Variants in GALNTL6 observed in about 807,000 individuals in gnomAD.
GALNTL6 encodes polypeptide N-acetylgalactosaminyltransferase like 6, also known as polypeptide N-acetylgalactosaminyltransferase-like 6.
GALNTL6 carries 46 observed loss-of-function variants against 73.7 expected under a neutral mutation model. That is an observed-to-expected ratio of 0.62 (90% CI 0.49 to 0.80). The LOEUF (loss-of-function observed/expected upper bound fraction) is 0.80. Ranked by LOEUF, GALNTL6 falls within the 30% of genes least tolerant of loss-of-function variation. GALNTL6 has a pLI of 0.00. For missense variants in GALNTL6, 604 were observed against 755.0 expected, an observed-to-expected ratio of 0.80 and a Z score of 2.34; for synonymous variants, 259 against 263.7, an observed-to-expected ratio of 0.98 and a Z score of 0.17.
Position 172,229,732 on chromosome 4 carries a change from A to G in GALNTL6, c.215A>G (p.Tyr72Cys). The G allele has an allele frequency of 6.2e-7, 1 of 1,613,654 alleles. No homozygotes were observed. Among genetic ancestry groups the G allele is most frequent in the Non-Finnish European group, 8.5e-7 (1 of 1,179,586 alleles). ...DGLRRKDWHD[Y>C]ESIQKEAMRS... is the part of the protein sequence containing the mutation. ...TTGAGAAGAAAGGACTGGCATGACT[A>G]TGAAAGCATTCAGAAAGAGGCTATG... Residue 72 changes from tyrosine (Y) to cysteine (C), a missense_variant, in exon 3 of 13, where the codon TAT becomes TGT. Transcript: ENST00000506823.
At chr4:172,164,740 G>A (rs534653895) in intron 2 of GALNTL6, among the ~76,000 whole-genome samples, 2 of 152,132 alleles carry the variant, frequency 1.3e-5, no homozygotes, top group Non-Finnish European at 2.9e-5. Context: ...AATATTTATA[G>A]GTTTCCAAAT....
At chr4:172,855,486 C>G (rs1744077940) in intron 7 of GALNTL6, among the ~76,000 whole-genome samples, 1 of 152,102 alleles carries the variant, frequency 6.6e-6, no homozygotes, top group Non-Finnish European at 1.5e-5. Context: ...GAGAAGACTA[C>G]AGAAATGACT....
chr4:172,401,079 C>T (rs568907966), intron 5 of GALNTL6, among the ~76,000 whole-genome samples: 13 of 152,168 alleles, frequency 8.5e-5, no homozygotes, highest in Admixed American at 1.3e-4. Flanking sequence ...TGACTGTGCT[C>T]GGGTAATTCT....
chr4:172,057,727 A>ATTTT lies in GALNTL6; in HGVS notation c.139-171929_139-171928insTTTT, dbSNP rs1309303202. ...AAAAAAAAAAAAAAAAAAAAAAAAA[A>ATTTT]ATATATATATATATATATATATATA... On this transcript the variant is annotated intron_variant, in intron 2 of 12. Transcript: ENST00000506823. Among the ~76,000 whole-genome samples the ATTTT allele has an allele frequency of 1.9e-4, 9 of 46,158 alleles. No individual in the cohort carries two copies. The South Asian group carries it at 4.6e-3, about 24-fold the overall frequency. The allele number at this position is 46,158 out of a possible 152,430, so 30.3% of individuals were successfully genotyped here. A position where few individuals can be genotyped will look rare whatever the true frequency, so the allele number is the denominator to read the frequency against.
At chr4:172,095,973 TTCTC>T (rs891514725) in intron 2 of GALNTL6, among the ~76,000 whole-genome samples, 2 of 152,138 alleles carry the variant, frequency 1.3e-5, no homozygotes, top group South Asian at 2.1e-4. Context: ...CATTTTTCTT[TTCTC>T]TCTCTTTTCT....
chr4:172,199,744 T>TG (rs1441657146), intron 2 of GALNTL6, among the ~76,000 whole-genome samples: 1 of 152,134 alleles, frequency 6.6e-6, no homozygotes, highest in African/African-American at 2.4e-5. Context: ...TGAAAGATTT[T>TG]TTGTTGTTGT....
At chr4:172,320,920 G>A (rs1420805998) in intron 4 of GALNTL6, among the ~76,000 whole-genome samples, 2 of 152,062 alleles carry the variant, frequency 1.3e-5, no homozygotes, top group Non-Finnish European at 2.9e-5. Flanking sequence ...AACAAAATAC[G>A]GTGGTTTTCT....
intron 7 of GALNTL6, among the ~76,000 whole-genome samples, chr4:172,840,068 C>A (rs1352912836): frequency 6.6e-6 from 1 of 152,158 alleles, no homozygotes. Flanking sequence ...AAAATAAACA[C>A]ATCCACAGTA....
At chr4:172,219,222 T>A (rs866598879) in intron 2 of GALNTL6, among the ~76,000 whole-genome samples, 3 of 141,930 alleles carry the variant, frequency 2.1e-5, no homozygotes, top group South Asian at 4.5e-4. Flanking sequence ...TATATATATA[T>A]AATCCTTCTG....
intron 8 of GALNTL6, among the ~76,000 whole-genome samples, chr4:172,895,032 G>T (rs556259906): frequency 1.3e-5 from 2 of 149,380 alleles, no homozygotes; most frequent in African/African-American, 4.9e-5. Flanking sequence ...TTCTATTTGC[G>T]TGAGTGGAAT....
In GALNTL6 at chr4:172,160,077, A is replaced by C. The variant is rs187729770; in HGVS notation, c.139-69579A>C. On this transcript the variant is annotated intron_variant, in intron 2 of 12. Transcript: ENST00000506823. The stretch of plus-strand genomic sequence containing the variant: ...TTTACTGGAGGAGGGGAAGGCTTGG[A>C]TAACAGATGTTCTCTTCATGGAGAT... Among the ~76,000 whole-genome samples the C allele has an allele frequency of 7.9e-5, 12 of 152,218 alleles. No individual in the cohort carries two copies. The East Asian group carries it at 2.1e-3, about 27-fold the overall frequency.
At chr4:171,896,217 C>A (rs1736908682) in intron 2 of GALNTL6, among the ~76,000 whole-genome samples, 1 of 152,130 alleles carries the variant, frequency 6.6e-6, no homozygotes, top group African/African-American at 2.4e-5. Flanking sequence ...GTAAGCATAA[C>A]ATTCTGTTTT....
intron 2 of GALNTL6, among the ~76,000 whole-genome samples, chr4:171,902,026 C>G (rs1054017252): frequency 6.6e-6 from 1 of 152,046 alleles, no homozygotes; most frequent in African/African-American, 2.4e-5. Flanking sequence ...TGCTATATAA[C>G]ATTTAGAGAG....
chr4:172,415,476 G>A (rs1363303114), intron 5 of GALNTL6, among the ~76,000 whole-genome samples: 4 of 152,120 alleles, frequency 2.6e-5, no homozygotes, highest in Admixed American at 2.6e-4. Context: ...TCTGGATTAA[G>A]TACTCATGGC....
At chr4:172,852,456 G>A (rs890593287) in intron 7 of GALNTL6, among the ~76,000 whole-genome samples, 4 of 152,108 alleles carry the variant, frequency 2.6e-5, no homozygotes, top group African/African-American at 9.7e-5. Context: ...TCACAACTAA[G>A]CAAGACAGTG....
intron 3 of GALNTL6, among the ~76,000 whole-genome samples, chr4:172,231,036 G>C (rs540312417): frequency 2.4e-5 from 3 of 126,730 alleles, no homozygotes; most frequent in African/African-American, 5.6e-5. Context: ...TTTTAAAGCA[G>C]CTTATTCCAA....
intron 5 of GALNTL6, chr4:172,668,312 G>A (rs1001304583): frequency 6.6e-6 from 1 of 152,160 alleles, no homozygotes; most frequent in African/African-American, 2.4e-5. Context: ...CAAAGGTTAT[G>A]TAAATCTTAT....
At chr4:172,845,216 C>CAAA (rs11336973) in intron 7 of GALNTL6, among the ~76,000 whole-genome samples, 1 of 91,066 alleles carries the variant, frequency 1.1e-5, no homozygotes. Context: ...GTCTCTGTCT[C>CAAA]AAAAAAAAAA....
At chr4:172,975,091 G>A (rs1032575156) in intron 10 of GALNTL6, among the ~76,000 whole-genome samples, 1 of 152,220 alleles carries the variant, frequency 6.6e-6, no homozygotes, top group South Asian at 2.1e-4. Flanking sequence ...AACCATTTGT[G>A]TTACAGCTCT....
Sources: gnomAD v4.1 joint callset for allele counts (sites outside exome capture counted in the v4.1 genomes callset) on GRCh38, gnomAD v4.1.1 for gene constraint, MANE v1.5 for transcripts, NCBI Gene and HGNC (gene_info 2026-07-23, HGNC 2026-07-21) for gene names.